FUBP3: variants seen among roughly 807,000 people sequenced by gnomAD.
The protein encoded by FUBP3 is far upstream element binding protein 3.
A neutral mutation model predicts 85.6 loss-of-function variants in FUBP3; 28 were observed. That is an observed-to-expected ratio of 0.33 (90% CI 0.24 to 0.45). The LOEUF (loss-of-function observed/expected upper bound fraction) is 0.45, where lower values mean the gene tolerates loss of function less well. Among genes scored for constraint, FUBP3 ranks in the 20% least tolerant of loss-of-function variants. FUBP3 has a pLI of 1.00. For missense variants in FUBP3, 583 were observed against 755.1 expected (o/e 0.77, Z 2.67); for synonymous variants, 271 against 271.4 (o/e 1.00, Z 0.01).
rs34911755 is a variant in FUBP3, at chr9:130,586,749, C to CTTT, written c.84+7002_84+7004dup. ...TCAATGAGGTGGCTGAAGCAGCAATCTTTTTTTTTTTTTTTTTTTCAGACG... is the reference window on the plus strand; with the variant it reads ...TCAATGAGGTGGCTGAAGCAGCAATCTTTTTTTTTTTTTTTTTTTTTTCAGACG... On this transcript the variant is annotated intron_variant, in intron 1 of 18. Transcript: ENST00000319725. 3.0e-3 allele frequency among the ~76,000 whole-genome samples: 336 copies of CTTT among 113,284 alleles called. 9 individuals carry two copies. Among genetic ancestry groups the CTTT allele is most frequent in the East Asian group, 0.013 (48 of 3,690 alleles). 74.3% of individuals were successfully genotyped at this position (113,284 alleles called of 152,430 possible). A position where few individuals can be genotyped will look rare whatever the true frequency, so the allele number is the denominator to read the frequency against.
rs1254676301 is a variant in FUBP3, at chr9:130,616,923, T to C, written c.567+406T>C. 6.6e-6 allele frequency among the ~76,000 whole-genome samples: 1 copy of C among 152,230 alleles called. No individual in the cohort carries two copies. Among genetic ancestry groups the C allele is most frequent in the Admixed American group, 6.5e-5 (1 of 15,280 alleles). ...TTTACTTTTTGAAGGTTCAGGGTCTTTGTGTGTCAAAAGGGGCAAGTGCAG... is the reference window on the plus strand; with the variant it reads ...TTTACTTTTTGAAGGTTCAGGGTCTCTGTGTGTCAAAAGGGGCAAGTGCAG... On this transcript the variant is annotated intron_variant, in intron 7 of 18. Coordinates refer to ENST00000319725, the MANE Select transcript of FUBP3 (RefSeq NM_003934.2). The surrounding 1 kb of genome is among the most constrained non-coding windows in gnomAD (Gnocchi z 4.7).
intron 12 of FUBP3, 43 bp from the exon 13 acceptor site, chr9:130,630,585 G>T (rs780924912): frequency 1.3e-6 from 2 of 1,491,870 alleles, no homozygotes; most frequent in African/African-American, 1.4e-5. Context: ...AGGAGTTGCC[G>T]CAGTCTCTGC....
At chr9:130,585,246 T>C (rs953565494) in intron 1 of FUBP3, among the ~76,000 whole-genome samples, 3 of 152,226 alleles carry the variant, frequency 2.0e-5, no homozygotes, top group Non-Finnish European at 4.4e-5. Context: ...CAGCAGGAGC[T>C]GAGTAGCTGC....
chr9:130,609,949 C>A lies in FUBP3; in HGVS notation c.191-5C>A. 6.2e-7 allele frequency: 1 copy of A among 1,606,530 alleles called. No individual in the cohort carries two copies. The highest frequency in any genetic ancestry group is 8.5e-7 in the Non-Finnish European group (1 of 1,174,068). The stretch of plus-strand genomic sequence containing the variant: ...ATTTTTTTTTTCTCTTTCTCTTTGC[C>A]ACAGTAGGTAACCAGTTAGGGGCCT... On this transcript the variant is annotated splice_region_variant and splice_polypyrimidine_tract_variant and intron_variant, in intron 2 of 18. Transcript: ENST00000319725.
Position 130,587,473 on chromosome 9 carries a change from T to C in FUBP3, c.84+7709T>C, listed in dbSNP as rs116586475. On this transcript the variant is annotated intron_variant, in intron 1 of 18. Transcript: ENST00000319725. Reference sequence around the variant, plus strand: ...GGGCCTTTGGTGGGAGTGACCCACCTGGAACAGTATTTCAGCATAGAGCCT... The same window carrying C: ...GGGCCTTTGGTGGGAGTGACCCACCCGGAACAGTATTTCAGCATAGAGCCT... Among the ~76,000 whole-genome samples, 863 of 152,290 alleles carry C rather than the reference T, an allele frequency of 5.7e-3. 12 individuals carry two copies. The highest frequency in any genetic ancestry group is 0.019 in the African/African-American group (801 of 41,560).
Position 130,635,672 on chromosome 9 carries a change from C to T in FUBP3, c.1583-327C>T, listed in dbSNP as rs1830387740. 6.6e-6 allele frequency among the ~76,000 whole-genome samples: 1 copy of T among 152,106 alleles called. No homozygotes were observed. The highest frequency in any genetic ancestry group is 1.5e-5 in the Non-Finnish European group (1 of 68,004). The stretch of plus-strand genomic sequence containing the variant: ...GTTAGGTACTCCCCTTCTCCCCCAC[C>T]CCCACCCCAGGATCCCCCCTTCTCT... On this transcript the variant is annotated intron_variant, in intron 17 of 18. Coordinates refer to ENST00000319725, the MANE Select transcript of FUBP3 (RefSeq NM_003934.2). The surrounding 1 kb of genome is among the most constrained non-coding windows in gnomAD (Gnocchi z 4.3).
At chr9:130,604,792 G>A (rs747479703) in intron 2 of FUBP3, among the ~76,000 whole-genome samples, 1 of 152,084 alleles carries the variant, frequency 6.6e-6, no homozygotes, top group Non-Finnish European at 1.5e-5. Flanking sequence ...CAGCTACTCG[G>A]GAGGCTGAGG....
At chr9:130,586,463 G>A (rs1045195051) in intron 1 of FUBP3, among the ~76,000 whole-genome samples, 4 of 151,836 alleles carry the variant, frequency 2.6e-5, no homozygotes, top group Admixed American at 6.6e-5. Flanking sequence ...GCGCAGTGGC[G>A]CAGTCTCAGC....
chr9:130,592,834 A>G (rs753332801), intron 1 of FUBP3, among the ~76,000 whole-genome samples: 21 of 152,086 alleles, frequency 1.4e-4, no homozygotes, highest in Admixed American at 6.6e-5. Context: ...GCTAGCCACC[A>G]TGCTTTTGGC....
At chr9:130,631,204 A>G in intron 13 of FUBP3, 1 of 1,189,380 alleles carries the variant, frequency 8.4e-7, no homozygotes, top group Non-Finnish European at 1.0e-6. Context: ...GTGTTGATGG[A>G]GGACAGATGG....
At chr9:130,617,934 G>A (rs1160384622) in intron 8 of FUBP3, 39 bp downstream of exon 8, 10 of 955,696 alleles carry the variant, frequency 1.0e-5, no homozygotes, top group Non-Finnish European at 1.5e-5. Context: ...CCTGGCTGTT[G>A]GGGCTATCAC....
In FUBP3 at chr9:130,579,628, G is replaced by A; in HGVS notation, c.-53G>A. The A allele has an allele frequency of 8.9e-7, 1 of 1,119,568 alleles. No homozygotes were observed. 69.4% of individuals were successfully genotyped at this position (1,119,568 alleles called of 1,614,324 possible). A position where few individuals can be genotyped will look rare whatever the true frequency, so the allele number is the denominator to read the frequency against. Reference sequence around the variant, plus strand: ...GAGCGGGAGGCCGGACCGGGGAGCCGAGCGGCGGCGTCGGCGGCGTCGGCG... The same window carrying A: ...GAGCGGGAGGCCGGACCGGGGAGCCAAGCGGCGGCGTCGGCGGCGTCGGCG... On this transcript the variant is annotated 5_prime_UTR_variant, in exon 1 of 19. Transcript: ENST00000319725.
At chr9:130,586,004 T>C (rs1428341388) in intron 1 of FUBP3, among the ~76,000 whole-genome samples, 1 of 152,186 alleles carries the variant, frequency 6.6e-6, no homozygotes, top group South Asian at 2.1e-4. Flanking sequence ...GTTTGTTGGT[T>C]TTGGGTTTTC....
intron 2 of FUBP3, among the ~76,000 whole-genome samples, chr9:130,596,844 C>T (rs190652261): frequency 6.6e-6 from 1 of 152,210 alleles, no homozygotes; most frequent in Admixed American, 6.5e-5. Context: ...TGCAGGCCTG[C>T]AATGTGAAAT....
chr9:130,635,461 T>TC lies in FUBP3; in HGVS notation c.1583-533dup, dbSNP rs1830380774. ...GGGTTGAAGGCTACCAGAGAAGTGG[T>TC]CCCCCTGGTGTTGGCATCATCGCCA... On this transcript the variant is annotated intron_variant, in intron 17 of 18. Transcript: ENST00000319725. The surrounding 1 kb of genome is among the most constrained non-coding windows in gnomAD (Gnocchi z 4.3). Among the ~76,000 whole-genome samples, 1 of 152,098 alleles carries TC rather than the reference T, an allele frequency of 6.6e-6. No homozygotes were observed. Among genetic ancestry groups the TC allele is most frequent in the African/African-American group, 2.4e-5 (1 of 41,410 alleles).
At position 130,596,340 on chromosome 9, in the gene FUBP3, A is replaced by G. The variant is rs1413616805; in HGVS notation, c.190+752A>G. Reference sequence around the variant, plus strand: ...TTCTCTGTGTTCTTTTTCTGTCGCTATGTACCCAATCATTTATGTTTGTAC... The same window carrying G: ...TTCTCTGTGTTCTTTTTCTGTCGCTGTGTACCCAATCATTTATGTTTGTAC... On this transcript the variant is annotated intron_variant, in intron 2 of 18. Transcript: ENST00000319725. 3.3e-5 allele frequency among the ~76,000 whole-genome samples: 5 copies of G among 152,298 alleles called. No individual in the cohort carries two copies. The South Asian group carries it at 8.3e-4, about 25-fold the overall frequency.
intron 12 of FUBP3, among the ~76,000 whole-genome samples, chr9:130,628,992 C>G (rs1218188893): frequency 6.6e-6 from 1 of 152,206 alleles, no homozygotes; most frequent in South Asian, 2.1e-4. Flanking sequence ...TGGTCTCGAA[C>G]TCCCAACCTC....
At chr9:130,610,457 T>C (rs1831683148) in intron 3 of FUBP3, among the ~76,000 whole-genome samples, 1 of 152,186 alleles carries the variant, frequency 6.6e-6, no homozygotes, top group South Asian at 2.1e-4. Flanking sequence ...GGTTCCATCC[T>C]TCCGAAGTGG....
intron 2 of FUBP3, among the ~76,000 whole-genome samples, chr9:130,595,813 T>C (rs1482957690): frequency 6.6e-6 from 1 of 152,224 alleles, no homozygotes; most frequent in African/African-American, 2.4e-5. Context: ...AGATAAAGAC[T>C]TGGCCCCTGA....
Sources: allele counts gnomAD v4.1 joint callset (sites outside exome capture counted in the v4.1 genomes callset), GRCh38; gene constraint gnomAD v4.1.1; non-coding constraint Gnocchi (gnomAD v3.1); transcripts MANE v1.5; gene names NCBI Gene and HGNC (gene_info 2026-07-23, HGNC 2026-07-21).